FRMD4A: variants seen among roughly 807,000 people sequenced by gnomAD.
The protein encoded by FRMD4A is FERM domain containing 4A.
Under a neutral mutation model 129.1 loss-of-function variants are expected in FRMD4A, and 29 were observed. That is an observed-to-expected ratio of 0.22 (90% CI 0.17 to 0.31). The LOEUF (loss-of-function observed/expected upper bound fraction) is 0.31, where lower values mean the gene tolerates loss of function less well. Among genes scored for constraint, FRMD4A ranks in the 10% least tolerant of loss-of-function variants. FRMD4A has a pLI of 1.00. For synonymous variants in FRMD4A, 634 were observed against 571.6 expected (o/e 1.11, Z -1.56); for missense variants, 1,272 against 1,375.8 (o/e 0.92, Z 1.19).
chr10:14,023,341 A>G (rs1832846206), intron 2 of FRMD4A, among the ~76,000 whole-genome samples: 1 of 152,090 alleles, frequency 6.6e-6, no homozygotes, highest in Non-Finnish European at 1.5e-5. Flanking sequence ...ATAAAGAAAA[A>G]AAAAAGCCTC....
At chr10:13,651,750 C>G (rs571910235) in intron 24 of FRMD4A, 153 bp downstream of exon 24, 1 of 624,852 alleles carries the variant, frequency 1.6e-6, no homozygotes, top group East Asian at 2.7e-5. Flanking sequence ...GAACCTTCAG[C>G]TAAAAACATA....
At chr10:14,099,043 C>T (rs1031873529) in intron 2 of FRMD4A, among the ~76,000 whole-genome samples, 2 of 152,194 alleles carry the variant, frequency 1.3e-5, no homozygotes, top group African/African-American at 4.8e-5. Context: ...ACTTAGCACA[C>T]AGGATTCAGG....
intron 2 of FRMD4A, among the ~76,000 whole-genome samples, chr10:13,859,190 G>A (rs2094257711): frequency 6.6e-6 from 1 of 152,134 alleles, no homozygotes; most frequent in African/African-American, 2.4e-5. Flanking sequence ...CCAACCTGGA[G>A]CCTGACTAAC....
chr10:13,993,010 T>C (rs1348439246), intron 2 of FRMD4A, among the ~76,000 whole-genome samples: 1 of 144,126 alleles, frequency 6.9e-6, no homozygotes, highest in East Asian at 2.1e-4. Flanking sequence ...AAGTAATGAC[T>C]AGCCAACATA....
At chr10:14,123,232 T>C (rs7908972) in intron 2 of FRMD4A, among the ~76,000 whole-genome samples, 1 of 152,100 alleles carries the variant, frequency 6.6e-6, no homozygotes, top group African/African-American at 2.4e-5. Context: ...ATTTCTTGTA[T>C]ATTGAGAGGC....
intron 2 of FRMD4A, among the ~76,000 whole-genome samples, chr10:14,206,174 T>A (rs1842775978): frequency 6.6e-6 from 1 of 152,170 alleles, no homozygotes; most frequent in Admixed American, 6.5e-5. Flanking sequence ...ATATTCAGAA[T>A]AATCTAAGAG....
chr10:14,011,528 C>T (rs1312052038), intron 2 of FRMD4A, among the ~76,000 whole-genome samples: 1 of 152,140 alleles, frequency 6.6e-6, no homozygotes, highest in Non-Finnish European at 1.5e-5. Flanking sequence ...TTCTTTCCAT[C>T]TGCCTTCCAA....
intron 2 of FRMD4A, among the ~76,000 whole-genome samples, chr10:14,257,025 G>T (rs1008397065): frequency 5.3e-5 from 8 of 152,090 alleles, no homozygotes; most frequent in African/African-American, 1.9e-4. Flanking sequence ...ATTTACTCTA[G>T]ATTTTTGAAA....
intron 12 of FRMD4A, chr10:13,711,979 G>A (rs2088067142): frequency 6.6e-6 from 1 of 152,232 alleles, no homozygotes; most frequent in Non-Finnish European, 1.5e-5. Flanking sequence ...AACTTTACAA[G>A]TGGAATGATT....
At chr10:13,956,640 A>C (rs1227259711) in intron 2 of FRMD4A, among the ~76,000 whole-genome samples, 1 of 152,214 alleles carries the variant, frequency 6.6e-6, no homozygotes. Flanking sequence ...CATGATGCTA[A>C]TCTAAAATTT....
chr10:14,062,154 A>G (rs369084055), intron 2 of FRMD4A, among the ~76,000 whole-genome samples: 3 of 152,242 alleles, frequency 2.0e-5, no homozygotes, highest in African/African-American at 7.2e-5. Context: ...ATGCCCTTCA[A>G]AAAGAAGTTG....
chr10:14,055,865 A>G (rs1036483754), intron 2 of FRMD4A, among the ~76,000 whole-genome samples: 1 of 152,252 alleles, frequency 6.6e-6, no homozygotes, highest in Non-Finnish European at 1.5e-5. Context: ...TTATTTTAAC[A>G]TGTACAATGA....
At chr10:14,241,798 G>A (rs148889622) in intron 2 of FRMD4A, among the ~76,000 whole-genome samples, 1 of 150,872 alleles carries the variant, frequency 6.6e-6, no homozygotes, top group Non-Finnish European at 1.5e-5. Flanking sequence ...CAGAAGGGCT[G>A]TCTAGGAGTT....
chr10:14,233,150 A>G (rs12240524), intron 2 of FRMD4A, among the ~76,000 whole-genome samples: 3,990 of 152,338 alleles, frequency 0.026, 170 homozygotes, highest in African/African-American at 0.091. Context: ...AAAGTACCTG[A>G]CACAGTGTAA....
At chr10:13,903,851 C>G (rs1245509539) in intron 2 of FRMD4A, among the ~76,000 whole-genome samples, 3 of 152,030 alleles carry the variant, frequency 2.0e-5, no homozygotes, top group Non-Finnish European at 2.9e-5. Flanking sequence ...CCACTACACT[C>G]CAGCCTGGGT....
intron 12 of FRMD4A, among the ~76,000 whole-genome samples, chr10:13,733,171 T>C (rs1476930048): frequency 1.3e-5 from 2 of 152,242 alleles, no homozygotes; most frequent in African/African-American, 4.8e-5. Context: ...GATCAGGGTG[T>C]GGGGCTTTTT....
intron 2 of FRMD4A, among the ~76,000 whole-genome samples, chr10:13,948,909 C>T (rs1311963837): frequency 2.6e-5 from 4 of 151,756 alleles, no homozygotes; most frequent in Non-Finnish European, 5.9e-5. Context: ...CTCGGCCTCC[C>T]AAAGTGTTGG....
intron 2 of FRMD4A, among the ~76,000 whole-genome samples, chr10:14,093,962 C>T (rs1836798450): frequency 6.6e-6 from 1 of 152,212 alleles, no homozygotes; most frequent in Admixed American, 6.5e-5. Context: ...TTTTAAAAGA[C>T]AACAGCTTTC....
At chr10:14,189,852 G>A (rs1383494416) in intron 2 of FRMD4A, among the ~76,000 whole-genome samples, 2 of 152,190 alleles carry the variant, frequency 1.3e-5, no homozygotes, top group African/African-American at 4.8e-5. Context: ...TGGCAAAAGT[G>A]TTGGGAATTT....
Sources: gnomAD v4.1 joint callset for allele counts (sites outside exome capture counted in the v4.1 genomes callset) on GRCh38, gnomAD v4.1.1 for gene constraint, MANE v1.5 for transcripts, NCBI Gene and HGNC (gene_info 2026-07-23, HGNC 2026-07-21) for gene names.